The following TMEM74 variants were observed in gnomAD, a reference collection of about 807,000 sequenced individuals.
The protein encoded by TMEM74 is transmembrane protein 74.
TMEM74 carries 13 observed loss-of-function variants against 18.1 expected under a neutral mutation model. The observed-to-expected ratio is 0.72, with a 90% CI of 0.47 to 1.14. The LOEUF (loss-of-function observed/expected upper bound fraction) is 1.14. TMEM74 is among the 50% of genes most tolerant of loss of function. The pLI is 0.00. For missense variants in TMEM74, 372 were observed against 375.9 expected, an observed-to-expected ratio of 0.99 and a Z score of 0.09; for synonymous variants, 159 against 146.6, an observed-to-expected ratio of 1.08 and a Z score of -0.61.
intron 1 of TMEM74, 77 bp downstream of exon 1, chr8:108,787,399 G>A (rs73313576): frequency 0.027 from 4,145 of 152,298 alleles, 200 homozygotes; most frequent in African/African-American, 0.095. Context: ...GGGGATATGC[G>A]CTCCAGCTCT....
chr8:108,714,672 C>A (rs888995406), intron 1 of TMEM74, among the ~76,000 whole-genome samples: 14 of 152,198 alleles, frequency 9.2e-5, no homozygotes, highest in Non-Finnish European at 2.9e-5. Flanking sequence ...AATCCCATTA[C>A]TCTATGAATA....
intron 1 of TMEM74, among the ~76,000 whole-genome samples, chr8:108,669,245 TTTTC>T (rs1196940231): frequency 2.0e-5 from 3 of 152,136 alleles, no homozygotes; most frequent in African/African-American, 7.2e-5. Context: ...CAAAGCATTA[TTTTC>T]TTTCTTTCTG....
intron 2 of TMEM74, among the ~76,000 whole-genome samples, chr8:108,646,097 G>A (rs1017611942): frequency 9.7e-5 from 11 of 113,386 alleles, no homozygotes; most frequent in African/African-American, 3.7e-4. Flanking sequence ...TTTTTTTTTT[G>A]GAAAGAGTCT....
At chr8:108,719,003 C>T (rs955363450) in intron 1 of TMEM74, among the ~76,000 whole-genome samples, 1 of 151,162 alleles carries the variant, frequency 6.6e-6, no homozygotes, top group Admixed American at 6.6e-5. Context: ...CGTATATATA[C>T]ACATATATAT....
chr8:108,673,944 G>A (rs956617201), intron 1 of TMEM74, among the ~76,000 whole-genome samples: 1 of 152,138 alleles, frequency 6.6e-6, no homozygotes, highest in African/African-American at 2.4e-5. Flanking sequence ...GTTTATGAAT[G>A]GGTTCAAACA....
At chr8:108,619,915 A>G (rs1044199526) in intron 2 of TMEM74, among the ~76,000 whole-genome samples, 1 of 152,194 alleles carries the variant, frequency 6.6e-6, no homozygotes, top group Non-Finnish European at 1.5e-5. Context: ...TGTTGGAATC[A>G]GAGACAAAAG....
chr8:108,760,382 C>T (rs899764466), intron 1 of TMEM74, among the ~76,000 whole-genome samples: 3 of 152,150 alleles, frequency 2.0e-5, no homozygotes, highest in East Asian at 1.9e-4. Flanking sequence ...GGTAGCAATG[C>T]GCGGTCACAG....
intron 1 of TMEM74, among the ~76,000 whole-genome samples, chr8:108,734,849 G>C: frequency 6.6e-6 from 1 of 152,144 alleles, no homozygotes; most frequent in Middle Eastern, 3.4e-3. Flanking sequence ...ATGGCACTAG[G>C]CATTCCTATT....
chr8:108,679,283 A>T (rs1813088516), intron 1 of TMEM74, among the ~76,000 whole-genome samples: 1 of 152,180 alleles, frequency 6.6e-6, no homozygotes, highest in Non-Finnish European at 1.5e-5. Context: ...TGGCTGGGTC[A>T]AATGGTATTT....
chr8:108,672,271 C>T (rs760033742), intron 1 of TMEM74, among the ~76,000 whole-genome samples: 2 of 152,068 alleles, frequency 1.3e-5, no homozygotes, highest in Non-Finnish European at 2.9e-5. Context: ...AAAATTGTTC[C>T]TAACAGTAGG....
At chr8:108,699,340 A>G (rs1454088950) in intron 1 of TMEM74, among the ~76,000 whole-genome samples, 1 of 151,818 alleles carries the variant, frequency 6.6e-6, no homozygotes, top group Non-Finnish European at 1.5e-5. Flanking sequence ...TATGTATGTA[A>G]ACTTGAAAAG....
intron 1 of TMEM74, among the ~76,000 whole-genome samples, chr8:108,662,109 C>A (rs982503237): frequency 1.6e-4 from 25 of 152,014 alleles, no homozygotes; most frequent in African/African-American, 5.6e-4. Context: ...TGGATAGACC[C>A]ATTGGGAGAA....
At chr8:108,722,572 C>G (rs1047613794) in intron 1 of TMEM74, among the ~76,000 whole-genome samples, 5 of 152,178 alleles carry the variant, frequency 3.3e-5, no homozygotes, top group African/African-American at 4.8e-5. Context: ...TTCATTTACT[C>G]TCTACCTTCA....
intron 2 of TMEM74, among the ~76,000 whole-genome samples, chr8:108,628,912 TG>T (rs1412776597): frequency 2.0e-5 from 3 of 152,138 alleles, no homozygotes; most frequent in Non-Finnish European, 4.4e-5. Flanking sequence ...TTCATATGTT[TG>T]TTGGCCACAT....
At chr8:108,759,520 C>T (rs1814016217) in intron 1 of TMEM74, among the ~76,000 whole-genome samples, 1 of 151,946 alleles carries the variant, frequency 6.6e-6, no homozygotes, top group South Asian at 2.1e-4. Context: ...AATGATATGT[C>T]CATAAAGTGA....
chr8:108,651,684 G>A (rs1812775829), intron 2 of TMEM74, among the ~76,000 whole-genome samples: 2 of 152,004 alleles, frequency 1.3e-5, no homozygotes, highest in Non-Finnish European at 2.9e-5. Flanking sequence ...TGTGGTTGGG[G>A]CACTGTCAGC....
At chr8:108,708,349 T>A (rs1442935230) in intron 1 of TMEM74, among the ~76,000 whole-genome samples, 2 of 151,994 alleles carry the variant, frequency 1.3e-5, no homozygotes, top group Non-Finnish European at 2.9e-5. Flanking sequence ...AACATACACA[T>A]GCATGTGTGT....
At chr8:108,631,114 G>T (rs532457739) in intron 2 of TMEM74, among the ~76,000 whole-genome samples, 2 of 152,152 alleles carry the variant, frequency 1.3e-5, no homozygotes, top group Admixed American at 1.3e-4. Context: ...ATGGAGAGTG[G>T]CATGGGCTGG....
At chr8:108,660,050 A>G (rs966371303) in intron 1 of TMEM74, among the ~76,000 whole-genome samples, 7 of 152,160 alleles carry the variant, frequency 4.6e-5, no homozygotes, top group African/African-American at 2.4e-5. Flanking sequence ...CCTTCCTTCT[A>G]CAGAATTTGA....
Sources: allele counts gnomAD v4.1 joint callset (sites outside exome capture counted in the v4.1 genomes callset), GRCh38; gene constraint gnomAD v4.1.1; transcripts MANE v1.5; gene names NCBI Gene and HGNC (gene_info 2026-07-23, HGNC 2026-07-21).